The following AGPAT3 variants were observed in gnomAD, a reference collection of about 807,000 sequenced individuals.
AGPAT3 encodes the protein 1-acyl-sn-glycerol-3-phosphate acyltransferase gamma.
Under a neutral mutation model 47.3 loss-of-function variants are expected in AGPAT3, and 5 were observed. That is an observed-to-expected ratio of 0.11 (90% CI 0.06 to 0.22). The LOEUF (loss-of-function observed/expected upper bound fraction) is 0.22. Ranked by LOEUF, AGPAT3 falls within the 10% of genes least tolerant of loss-of-function variation. The pLI, the probability that AGPAT3 is intolerant of heterozygous loss-of-function variation, is 1.00. For missense variants in AGPAT3, 315 were observed against 493.0 expected, an observed-to-expected ratio of 0.64 and a Z score of 3.42; for synonymous variants, 212 against 208.3, an observed-to-expected ratio of 1.02 and a Z score of -0.15.
chr21:43,983,301 G>A lies in AGPAT3; in HGVS notation c.*909G>A, dbSNP rs892460102. On this transcript the variant is annotated 3_prime_UTR_variant, in exon 10 of 10. Transcript: ENST00000291572. ...GACTCTAGGATGCTTCAGAAGAAGCGACGGCACCGTCAACCCTCTGTTTTT... is the reference window on the plus strand; with the variant it reads ...GACTCTAGGATGCTTCAGAAGAAGCAACGGCACCGTCAACCCTCTGTTTTT... 1.3e-5 allele frequency: 2 copies of A among 152,272 alleles called. No individual in the cohort carries two copies. The highest frequency in any genetic ancestry group is 4.8e-5 in the African/African-American group (2 of 41,462). The allele number at this position is 152,272 out of a possible 1,614,324, so 9.4% of individuals were successfully genotyped here. A position where few individuals can be genotyped will look rare whatever the true frequency, so the allele number is the denominator to read the frequency against.
At chr21:43,869,906 G>A (rs867567369) in intron 1 of AGPAT3, among the ~76,000 whole-genome samples, 1 of 152,238 alleles carries the variant, frequency 6.6e-6, no homozygotes, top group East Asian at 1.9e-4. Context: ...GGGCCTCACT[G>A]TGTTGCCCAG....
At chr21:43,951,840 G>A (rs555977744) in intron 2 of AGPAT3, among the ~76,000 whole-genome samples, 3 of 152,312 alleles carry the variant, frequency 2.0e-5, no homozygotes, top group South Asian at 2.1e-4. Flanking sequence ...GCCTGGCAGC[G>A]GTGCGGAGGT....
chr21:43,896,722 T>C (rs1231045214), intron 1 of AGPAT3, among the ~76,000 whole-genome samples: 2 of 152,230 alleles, frequency 1.3e-5, no homozygotes, highest in African/African-American at 4.8e-5. Context: ...ATGAAGCGAC[T>C]ATTACTGTGA....
chr21:43,944,900 C>T (rs2087816154), intron 2 of AGPAT3, among the ~76,000 whole-genome samples: 1 of 152,238 alleles, frequency 6.6e-6, no homozygotes, highest in Admixed American at 6.5e-5. Flanking sequence ...GGGGGGGCCA[C>T]GTGCCCTCAG....
chr21:43,949,264 C>A (rs556627702), intron 2 of AGPAT3, among the ~76,000 whole-genome samples: 4 of 152,166 alleles, frequency 2.6e-5, no homozygotes, highest in African/African-American at 9.7e-5. Context: ...ACCATCATGT[C>A]GGGGGGCCCT....
intron 1 of AGPAT3, among the ~76,000 whole-genome samples, chr21:43,875,530 C>T (rs2123536161): frequency 1.3e-5 from 2 of 152,346 alleles, no homozygotes; most frequent in Admixed American, 1.3e-4. Flanking sequence ...TCTTTTTATG[C>T]TTCATTCCAG....
At chr21:43,903,703 G>A (rs1333819856) in intron 1 of AGPAT3, among the ~76,000 whole-genome samples, 1 of 152,208 alleles carries the variant, frequency 6.6e-6, no homozygotes, top group African/African-American at 2.4e-5. Flanking sequence ...CTCCGGGACT[G>A]TTCATTTATG....
At chr21:43,895,860 T>C (rs1188296146) in intron 1 of AGPAT3, among the ~76,000 whole-genome samples, 3 of 152,136 alleles carry the variant, frequency 2.0e-5, no homozygotes, top group African/African-American at 7.2e-5. Flanking sequence ...TCCACCTCCC[T>C]GGTTTGAGTG....
chr21:43,976,153 C>T lies in AGPAT3; in HGVS notation c.768-1893C>T, dbSNP rs117523398. ...TGCAATTTCATCTCACTGCAACCTC[C>T]GCCTTCTGGTTCTAGCAATTCTCCT... On this transcript the variant is annotated intron_variant, in intron 7 of 9. Coordinates refer to ENST00000291572, the MANE Select transcript of AGPAT3 (RefSeq NM_020132.5). 9.2e-3 allele frequency among the ~76,000 whole-genome samples: 1,406 copies of T among 152,198 alleles called. 7 individuals carry two copies. Among genetic ancestry groups the T allele is most frequent in the Non-Finnish European group, 0.01 (695 of 68,010 alleles).
chr21:43,898,849 C>G (rs2086286374), intron 1 of AGPAT3, among the ~76,000 whole-genome samples: 1 of 151,836 alleles, frequency 6.6e-6, no homozygotes, highest in Non-Finnish European at 1.5e-5. Flanking sequence ...TTCTTTTTTA[C>G]TTTTGAATAT....
chr21:43,977,983 C>A, intron 7 of AGPAT3, 63 bp from the exon 8 acceptor site: 1 of 1,377,436 alleles, frequency 7.3e-7, no homozygotes, highest in Non-Finnish European at 1.0e-6. Context: ...TTCCCCTGTG[C>A]CCTCTTTCTA....
chr21:43,911,725 T>G (rs901071007), intron 2 of AGPAT3, among the ~76,000 whole-genome samples: 1 of 152,268 alleles, frequency 6.6e-6, no homozygotes, highest in Non-Finnish European at 1.5e-5. Context: ...GGTAAAGGGC[T>G]CTATGCATGC....
intron 3 of AGPAT3, chr21:43,967,145 A>G (rs1387495643): frequency 6.6e-6 from 1 of 152,330 alleles, no homozygotes; most frequent in Non-Finnish European, 1.5e-5. Context: ...TCCTGCCGGC[A>G]AACAGATCTC....
chr21:43,874,244 T>C (rs2085686312), intron 1 of AGPAT3, among the ~76,000 whole-genome samples: 1 of 152,216 alleles, frequency 6.6e-6, no homozygotes, highest in Non-Finnish European at 1.5e-5. Flanking sequence ...CAGGCTGGTC[T>C]TGAACTCCTG....
At chr21:43,912,415 C>T (rs1032316863) in intron 2 of AGPAT3, among the ~76,000 whole-genome samples, 10 of 152,266 alleles carry the variant, frequency 6.6e-5, no homozygotes, top group Admixed American at 6.5e-5. Flanking sequence ...AGGCAGCCCC[C>T]GTGGGCACCA....
chr21:43,874,562 T>A (rs1370801351), intron 1 of AGPAT3, among the ~76,000 whole-genome samples: 3 of 152,248 alleles, frequency 2.0e-5, no homozygotes, highest in African/African-American at 7.2e-5. Flanking sequence ...ACTGAGTCTC[T>A]GGCATTTCTT....
intron 1 of AGPAT3, among the ~76,000 whole-genome samples, chr21:43,884,873 C>T (rs887313177): frequency 7.2e-5 from 11 of 152,172 alleles, no homozygotes; most frequent in African/African-American, 2.2e-4. Context: ...GCAAAGCACA[C>T]GTTGGGCTGC....
At chr21:43,866,285 G>A (rs2085505454) in intron 1 of AGPAT3, among the ~76,000 whole-genome samples, 1 of 151,774 alleles carries the variant, frequency 6.6e-6, no homozygotes, top group African/African-American at 2.4e-5. Flanking sequence ...CATGATCTTA[G>A]TAGAAGAAAG....
intron 2 of AGPAT3, among the ~76,000 whole-genome samples, chr21:43,914,901 A>G (rs766707744): frequency 6.6e-6 from 1 of 152,186 alleles, no homozygotes; most frequent in African/African-American, 2.4e-5. Context: ...TTCTATAAAG[A>G]TAGTTCTGTT....
Sources: gnomAD v4.1 joint callset for allele counts (sites outside exome capture counted in the v4.1 genomes callset) on GRCh38, gnomAD v4.1.1 for gene constraint, MANE v1.5 for transcripts, NCBI Gene and HGNC (gene_info 2026-07-23, HGNC 2026-07-21) for gene names.